The following CELF2 variants were observed in gnomAD, a reference collection of about 807,000 sequenced individuals.
CELF2 encodes the protein CUGBP Elav-like family member 2.
A neutral mutation model predicts 62.6 loss-of-function variants in CELF2; 8 were observed. The observed-to-expected ratio is 0.13, with a 90% CI of 0.07 to 0.23. The LOEUF (loss-of-function observed/expected upper bound fraction) is 0.23, where lower values mean the gene tolerates loss of function less well. CELF2 is among the 10% of genes least tolerant of loss of function. CELF2 has a pLI of 1.00. For missense variants in CELF2, 333 were observed against 671.0 expected (o/e 0.50, Z 5.56); for synonymous variants, 258 against 250.0 (o/e 1.03, Z -0.30).
intron 2 of CELF2, among the ~76,000 whole-genome samples, chr10:11,204,133 A>C (rs551576848): frequency 6.6e-6 from 1 of 152,262 alleles, no homozygotes; most frequent in African/African-American, 2.4e-5. Flanking sequence ...TTATTTGATC[A>C]CCCTGGATAT....
intron 1 of CELF2, among the ~76,000 whole-genome samples, chr10:11,034,907 A>G (rs1019108029): frequency 6.6e-6 from 1 of 152,160 alleles, no homozygotes; most frequent in Non-Finnish European, 1.5e-5. Flanking sequence ...CTTGATTGAC[A>G]TTCGAGATCC....
the CELF2 span, among the ~76,000 whole-genome samples, chr10:10,498,445 T>C: frequency 6.6e-6 from 1 of 152,170 alleles, no homozygotes; most frequent in Non-Finnish European, 1.5e-5. Flanking sequence ...GAGACAGCAA[T>C]TTGAGCTTGG....
the CELF2 span, among the ~76,000 whole-genome samples, chr10:10,692,411 G>A: frequency 7.4e-5 from 11 of 149,588 alleles, no homozygotes; most frequent in African/African-American, 1.2e-4. Context: ...GGTTACTGTA[G>A]CCTTGTAGTA....
chr10:11,104,342 T>C (rs2052743091), intron 1 of CELF2, among the ~76,000 whole-genome samples: 1 of 152,210 alleles, frequency 6.6e-6, no homozygotes, highest in Admixed American at 6.5e-5. Context: ...TACAAAATAC[T>C]CTGATGAAAT....
chr10:10,963,012 T>A (rs566284453), intron 2 of CELF2, among the ~76,000 whole-genome samples: 1 of 127,336 alleles, frequency 7.9e-6, no homozygotes, highest in South Asian at 2.3e-4. Context: ...TTGTTTTGTT[T>A]TGTTTTGTTT....
At chr10:11,073,066 A>G (rs1165710827) in intron 1 of CELF2, among the ~76,000 whole-genome samples, 1 of 152,252 alleles carries the variant, frequency 6.6e-6, no homozygotes, top group Middle Eastern at 3.4e-3. Context: ...TACAATTATG[A>G]TAAATATAAA....
chr10:11,143,006 G>A (rs1387353552), intron 1 of CELF2, among the ~76,000 whole-genome samples: 5 of 150,928 alleles, frequency 3.3e-5, no homozygotes, highest in Non-Finnish European at 7.4e-5. Context: ...TCCCTCCACT[G>A]GGGGGACTCA....
chr10:10,620,690 C>T, the CELF2 span, among the ~76,000 whole-genome samples: 1 of 151,524 alleles, frequency 6.6e-6, no homozygotes, highest in South Asian at 2.1e-4. Context: ...ATCACGAGGT[C>T]AGGAGATTGA....
At chr10:10,502,043 C>G in the CELF2 span, among the ~76,000 whole-genome samples, 1 of 151,930 alleles carries the variant, frequency 6.6e-6, no homozygotes, top group Non-Finnish European at 1.5e-5. Flanking sequence ...TTTTATTCTG[C>G]TAATATGGTG....
intron 1 of CELF2, among the ~76,000 whole-genome samples, chr10:11,044,256 G>C (rs984906224): frequency 6.6e-6 from 1 of 152,150 alleles, no homozygotes; most frequent in Non-Finnish European, 1.5e-5. Flanking sequence ...TTGTCTACTG[G>C]GATGGGAGCC....
the CELF2 span, among the ~76,000 whole-genome samples, chr10:10,777,773 T>G: frequency 6.6e-6 from 1 of 152,152 alleles, no homozygotes; most frequent in South Asian, 2.1e-4. Context: ...ATCCCAAACC[T>G]GACTCCATAG....
upstream of CELF2, among the ~76,000 whole-genome samples, chr10:11,002,103 C>T (rs930562908): frequency 6.6e-6 from 1 of 152,180 alleles, no homozygotes; most frequent in Non-Finnish European, 1.5e-5. The surrounding 1 kb of genome is among the most constrained non-coding windows in gnomAD (Gnocchi z 4.4). Flanking sequence ...AATGGACTCA[C>T]AGTTCCATGT....
rs17149078 is a variant in CELF2 at position 10,908,169 on chromosome 10, G to A, written c.54-11795G>A. ...TCACTTTACTCCTTTGCGGAATGAG[G>A]GCTGATAGCACTACCCTGCTCCTTG... is the stretch of plus-strand genomic sequence containing the variant. On this transcript the variant is annotated intron_variant, in intron 1 of 13. Coordinates refer to the CELF2 transcript ENST00000636488. Among the ~76,000 whole-genome samples, 245 of 147,806 alleles carry A rather than the reference G, an allele frequency of 1.7e-3. 7 individuals are homozygous for A. The East Asian group carries it at 0.041, about 25-fold the overall frequency.
chr10:10,720,792 A>G, the CELF2 span, among the ~76,000 whole-genome samples: 1 of 152,188 alleles, frequency 6.6e-6, no homozygotes, highest in African/African-American at 2.4e-5. Flanking sequence ...GTTGCATGTA[A>G]CCTGGGTGGG....
At chr10:11,233,354 A>G (rs1188225652) in intron 3 of CELF2, among the ~76,000 whole-genome samples, 1 of 152,164 alleles carries the variant, frequency 6.6e-6, no homozygotes, top group Non-Finnish European at 1.5e-5. Context: ...GTGTGATCAA[A>G]TGCTGCCCTT....
At chr10:10,855,681 T>C (rs1360134193) in intron 1 of CELF2, among the ~76,000 whole-genome samples, 1 of 152,186 alleles carries the variant, frequency 6.6e-6, no homozygotes, top group Admixed American at 6.5e-5. Context: ...ACCAATTTTT[T>C]CTCCATGGTA....
chr10:11,131,566 C>T (rs1156710189), intron 1 of CELF2, among the ~76,000 whole-genome samples: 1 of 152,210 alleles, frequency 6.6e-6, no homozygotes, highest in East Asian at 1.9e-4. Flanking sequence ...AAGAATCTTT[C>T]ACATCTATCA....
chr10:10,858,794 A>G (rs2059898556), intron 1 of CELF2, among the ~76,000 whole-genome samples: 1 of 152,196 alleles, frequency 6.6e-6, no homozygotes. Context: ...AACATTTTCA[A>G]TAAAACATTT....
chr10:10,557,212 A>G, the CELF2 span, among the ~76,000 whole-genome samples: 5 of 137,450 alleles, frequency 3.6e-5, no homozygotes, highest in South Asian at 2.4e-4. Flanking sequence ...ATTTTTGTAT[A>G]AGGTGTAAGG....
Sources: allele counts gnomAD v4.1 joint callset (sites outside exome capture counted in the v4.1 genomes callset), GRCh38; gene constraint gnomAD v4.1.1; non-coding constraint Gnocchi (gnomAD v3.1); transcripts MANE v1.5; gene names NCBI Gene and HGNC (gene_info 2026-07-23, HGNC 2026-07-21).